The following INTS11 variants were observed in gnomAD, a reference collection of about 807,000 sequenced individuals.
The protein encoded by INTS11 is integrator complex subunit 11, also known as CPSF3-like protein.
INTS11 carries 77 observed loss-of-function variants against 78.6 expected under a neutral mutation model. That is an observed-to-expected ratio of 0.98 (90% CI 0.81 to 1.18). The LOEUF is 1.18. Among genes scored for constraint, INTS11 ranks in the 50% most tolerant of loss-of-function variants. INTS11 has a pLI of 0.00. For synonymous variants in INTS11, 441 were observed against 326.9 expected, an observed-to-expected ratio of 1.35 and a Z score of -3.77; for missense variants, 875 against 825.9, an observed-to-expected ratio of 1.06 and a Z score of -0.73.
chr1:1,314,207 A>G lies in INTS11; in HGVS notation c.767+94T>C. On this transcript the variant is annotated intron_variant, in intron 8 of 16. Coordinates refer to ENST00000435064, the MANE Select transcript of INTS11 (RefSeq NM_017871.6). The surrounding 1 kb of genome is among the most constrained non-coding windows in gnomAD (Gnocchi z 4.2). ...CAGGACAGCAGCAAGCAGGGCCAAG[A>G]TGCCACCGCTACGCTGGACAGGGCT... 8.2e-7 allele frequency: 1 copy of G among 1,212,386 alleles called. No individual in the cohort carries two copies. Among genetic ancestry groups the G allele is most frequent in the Admixed American group, 2.0e-5 (1 of 50,312 alleles). 75.1% of individuals were successfully genotyped at this position (1,212,386 alleles called of 1,614,324 possible).
chr1:1,315,492 C>T (rs1445772777), intron 5 of INTS11, 28 bp downstream of exon 5: 11 of 1,612,940 alleles, frequency 6.8e-6, no homozygotes, highest in South Asian at 1.1e-5. Context: ...CCAGCAGCCC[C>T]TCCCAAGCCT....
Position 1,315,388 on chromosome 1 carries a change from AC to A in INTS11, c.563+15del. The stretch of plus-strand genomic sequence containing the variant: ...AGGGGGGCCCACGGGACAAAAAGAC[AC>A]CTCAGCCTACTTACCCTAAGTGTCG... On this transcript the variant is annotated intron_variant, in intron 6 of 16. Coordinates refer to ENST00000435064, the MANE Select transcript of INTS11 (RefSeq NM_017871.6). 3 of 1,612,838 alleles carry A rather than the reference AC, an allele frequency of 1.9e-6. No homozygotes were observed. The highest frequency in any genetic ancestry group is 2.5e-6 in the Non-Finnish European group (3 of 1,179,814).
chr1:1,323,787 G>A lies in INTS11; in HGVS notation c.28+794C>T, dbSNP rs1170537435. Among the ~76,000 whole-genome samples the A allele has an allele frequency of 4.9e-5, 7 of 141,474 alleles. No individual in the cohort carries two copies. In the East Asian group the frequency reaches 1.2e-3, roughly 25 times the overall value. 92.8% of individuals were successfully genotyped at this position (141,474 alleles called of 152,430 possible). ...GTTGCAGAAATCAGGTAGAACAAGA[G>A]CTAAAGTGAGAGTTGATTGTAACTC... On this transcript the variant is annotated intron_variant, in intron 1 of 16. Coordinates refer to ENST00000435064, the MANE Select transcript of INTS11 (RefSeq NM_017871.6).
In INTS11 at chr1:1,315,200, AAG is replaced by A. The variant is rs533391674; in HGVS notation, c.563+202_563+203del. On this transcript the variant is annotated intron_variant, in intron 6 of 16. Transcript: ENST00000435064. The stretch of plus-strand genomic sequence containing the variant: ...AGAGGCACCCACCCAGAGACTTGGG[AAG>A]AGAGAGAAGGAGGGACAGAGGCCCC... 831 of 732,050 alleles carry A rather than the reference AAG, an allele frequency of 1.1e-3. 5 individuals are homozygous for A. In the African/African-American group the frequency reaches 0.012, roughly 10 times the overall value. The allele number at this position is 732,050 out of a possible 1,614,324, so 45.3% of individuals were successfully genotyped here.
intron 1 of INTS11, chr1:1,323,115 G>A: frequency 1.3e-6 from 2 of 1,543,034 alleles, no homozygotes; most frequent in South Asian, 1.2e-5. Context: ...GGTGTGCACA[G>A]GCCAGGGGTG....
In INTS11 at chr1:1,313,515, C is replaced by G. The variant is rs771001457; in HGVS notation, c.1035G>C (p.Lys345Asn). ...CACCTCACCATGCCCTCACCATGTT[C>G]TTTTCGTTTCCGGCCCATTTCCGGA... ...QIFRKWAGNE[K>N]NMVIMPGYCV... is the part of the protein sequence containing the mutation. Residue 345 changes from lysine to asparagine, a missense_variant, in exon 10 of 17, where the codon AAG becomes AAC. Coordinates refer to ENST00000435064, the MANE Select transcript of INTS11 (RefSeq NM_017871.6). 2.5e-6 allele frequency: 4 copies of G among 1,612,928 alleles called. No homozygotes were observed. The African/African-American group carries it at 4.0e-5, about 16-fold the overall frequency.
chr1:1,314,269 G>T lies in INTS11; in HGVS notation c.767+32C>A. The T allele has an allele frequency of 3.8e-6, 6 of 1,559,566 alleles. No individual in the cohort carries two copies. Among genetic ancestry groups the T allele is most frequent in the Non-Finnish European group, 5.2e-6 (6 of 1,149,794 alleles). ...GGACTGTGTTCAGGCCGGGCCAGGG[G>T]CTCCTTAAAGAGCCGTCCTGGCGGC... On this transcript the variant is annotated intron_variant, in intron 8 of 16. Transcript: ENST00000435064. The surrounding 1 kb of genome is among the most constrained non-coding windows in gnomAD (Gnocchi z 4.2).
intron 3 of INTS11, 92 bp from the exon 4 acceptor site, chr1:1,319,616 C>T (rs1642827378): frequency 2.4e-6 from 2 of 842,424 alleles, no homozygotes; most frequent in South Asian, 3.4e-5. Context: ...CCTTCATTCG[C>T]CTGCTGTGCG....
chr1:1,319,666 A>G (rs1206879843), intron 3 of INTS11, 142 bp from the exon 4 acceptor site: 2 of 603,846 alleles, frequency 3.3e-6, no homozygotes, highest in Non-Finnish European at 5.8e-6. Context: ...AGTAATGAGC[A>G]AACACAAAAC....
At chr1:1,315,247 C>T (rs1642506971) in intron 6 of INTS11, 157 bp downstream of exon 6, 7 of 898,572 alleles carry the variant, frequency 7.8e-6, no homozygotes, top group Middle Eastern at 3.3e-4. Flanking sequence ...CCTGTGCCTT[C>T]GCGCATTTGG....
Position 1,312,208 on chromosome 1 carries a change from G to GGGGGGGGGC in INTS11, c.1607+17_1607+18insGCCCCCCCC. 8.9e-7 allele frequency: 1 copy of GGGGGGGGGC among 1,123,370 alleles called. No individual in the cohort carries two copies. The highest frequency in any genetic ancestry group is 1.2e-6 in the Non-Finnish European group (1 of 801,332). 69.6% of individuals were successfully genotyped at this position (1,123,370 alleles called of 1,614,324 possible). On this transcript the variant is annotated intron_variant, in intron 15 of 16. Coordinates refer to ENST00000435064, the MANE Select transcript of INTS11 (RefSeq NM_017871.6). ...CAGGGCCCAAGGGAGTGGGGGGGGG[G>GGGGGGGGGC]CGGGGCCGGGCGCCCACCTCTTGAG...
At position 1,320,539 on chromosome 1, in the gene INTS11, ATG is replaced by A; in HGVS notation, c.127-12_127-11del. On this transcript the variant is annotated splice_polypyrimidine_tract_variant and intron_variant, in intron 2 of 16. Transcript: ENST00000435064. ...AGTCAGGGAAGCGTCGCTAGGAAGG[ATG>A]TGGGGGTTTCAGGTTGCACAGTGGT... The A allele has an allele frequency of 6.2e-7, 1 of 1,613,682 alleles. No individual in the cohort carries two copies. Among genetic ancestry groups the A allele is most frequent in the Non-Finnish European group, 8.5e-7 (1 of 1,179,822 alleles).
chr1:1,321,068 G>T lies in INTS11; in HGVS notation c.54C>A (p.Ser18Arg). The change falls in exon 2 of 17, where the codon AGC becomes AGA. Residue 18 changes from serine to arginine, a missense_variant. Ser to Arg is a moderately radical substitution (Grantham distance 110). Transcript: ENST00000435064. ...TGCCCGCAATGGAGACCAGGATGCA[G>T]CTTCGGCCCACGTCCTGGCCGGCCC... The part of the protein sequence containing the change: ...PLGAGQDVGR[S>R]CILVSIAGKN... 1 of 1,612,458 alleles carries T rather than the reference G, an allele frequency of 6.2e-7. No homozygotes were observed. The highest frequency in any genetic ancestry group is 1.1e-5 in the South Asian group (1 of 91,082).
At chr1:1,321,898 T>TTGCCCCCCCCCCC in intron 1 of INTS11, 2 of 1,141,974 alleles carry the variant, frequency 1.8e-6, no homozygotes, top group Non-Finnish European at 2.3e-6. Context: ...TCCCCTTGAA[T>TTGCCCCCCCCCCC]CCCACCCACC....
At position 1,320,944 on chromosome 1, in the gene INTS11, C is replaced by A. The variant is rs371535706; in HGVS notation, c.126+52G>T. On this transcript the variant is annotated intron_variant, in intron 2 of 16. Coordinates refer to ENST00000435064, the MANE Select transcript of INTS11 (RefSeq NM_017871.6). The stretch of plus-strand genomic sequence containing the variant: ...CCCGGCTCTGAGGCCCAGGGTCCAG[C>A]TGTGGATGGCCGGCTCTCCCAGCCT... 1.7e-4 allele frequency: 257 copies of A among 1,498,510 alleles called. No homozygotes were observed. The African/African-American group carries it at 3.1e-3, about 18-fold the overall frequency. 92.8% of individuals were successfully genotyped at this position (1,498,510 alleles called of 1,614,324 possible). A position where few individuals can be genotyped will look rare whatever the true frequency, so the allele number is the denominator to read the frequency against.
intron 4 of INTS11, chr1:1,318,620 A>G (rs1642754165): frequency 7.8e-6 from 3 of 382,400 alleles, no homozygotes; most frequent in African/African-American, 6.3e-5. Context: ...ATCACACTCC[A>G]GCCTGGGTAA....
At position 1,314,903 on chromosome 1, in the gene INTS11, G is replaced by A. The variant is rs774151732; in HGVS notation, c.623C>T (p.Thr208Met). The A allele has an allele frequency of 5.6e-6, 9 of 1,612,938 alleles. No homozygotes were observed. The highest frequency in any genetic ancestry group is 1.1e-5 in the South Asian group (1 of 91,076). The stretch of plus-strand genomic sequence containing the variant: ...GCAGCGCTTGGAGTCACGGATGGTC[G>A]TGGCGTACGTGGACTCTGTGATGAG... The part of the protein sequence containing the change: ...NLLITESTYA[T>M]TIRDSKRCRE... Residue 208 changes from threonine to methionine, a missense_variant, in exon 7 of 17, where the codon ACG (threonine) becomes ATG (methionine). Thr to Met is a moderately conservative substitution (Grantham distance 81). Coordinates refer to ENST00000435064, the MANE Select transcript of INTS11 (RefSeq NM_017871.6). The surrounding 1 kb of genome is among the most constrained non-coding windows in gnomAD (Gnocchi z 4.2).
At chr1:1,320,967 C>T (rs780878845) in intron 2 of INTS11, 29 bp downstream of exon 2, 1 of 1,595,718 alleles carries the variant, frequency 6.3e-7, no homozygotes, top group Non-Finnish European at 8.6e-7. Flanking sequence ...GCTCTCCCAG[C>T]CTCTGGGCCT....
intron 1 of INTS11, chr1:1,321,907 CCT>C: frequency 1.5e-6 from 2 of 1,313,088 alleles, no homozygotes; most frequent in Middle Eastern, 2.0e-4. Context: ...ATCCCACCCA[CCT>C]CCCCCTGCCA....
Sources: gnomAD v4.1 joint callset for allele counts (sites outside exome capture counted in the v4.1 genomes callset) on GRCh38, gnomAD v4.1.1 for gene constraint, Gnocchi (gnomAD v3.1) non-coding constraint, MANE v1.5 for transcripts, NCBI Gene and HGNC (gene_info 2026-07-23, HGNC 2026-07-21) for gene names.